Variants in DDX31 observed in about 807,000 individuals in gnomAD.
DDX31 encodes ATP-dependent DNA helicase DDX31.
Under a neutral mutation model 91.3 loss-of-function variants are expected in DDX31, and 70 were observed. That is an observed-to-expected ratio of 0.77 (90% CI 0.63 to 0.94). DDX31 has a LOEUF of 0.94. DDX31 is among the 40% of genes least tolerant of loss of function. DDX31 has a pLI of 0.00. For synonymous variants in DDX31, 362 were observed against 350.6 expected, an observed-to-expected ratio of 1.03 and a Z score of -0.36; for missense variants, 902 against 925.0, an observed-to-expected ratio of 0.98 and a Z score of 0.32.
At chr9:132,641,831 C>A (rs568806761) in intron 14 of DDX31, among the ~76,000 whole-genome samples, 173 bp downstream of exon 14, 1 of 152,284 alleles carries the variant, frequency 6.6e-6, no homozygotes, top group South Asian at 2.1e-4. Context: ...TGGCTATCTG[C>A]AGCCCTGTCA....
chr9:132,655,713 C>T (rs1198681590), intron 6 of DDX31, among the ~76,000 whole-genome samples: 4 of 151,836 alleles, frequency 2.6e-5, no homozygotes, highest in African/African-American at 4.8e-5. Context: ...CGAAAAAGGC[C>T]CCTAAGCCAA....
chr9:132,657,969 C>T, intron 6 of DDX31: 1 of 260,504 alleles, frequency 3.8e-6, no homozygotes. Flanking sequence ...TCATGAGAAA[C>T]CACTGTTTTA....
At chr9:132,610,517 G>A (rs1422864149) in intron 19 of DDX31, among the ~76,000 whole-genome samples, 3 of 152,174 alleles carry the variant, frequency 2.0e-5, no homozygotes, top group Non-Finnish European at 4.4e-5. Context: ...AGACTTGGAG[G>A]TGCCAAGTCC....
intron 6 of DDX31, among the ~76,000 whole-genome samples, chr9:132,656,934 G>C (rs1345840985): frequency 6.6e-6 from 1 of 152,162 alleles, no homozygotes; most frequent in Admixed American, 6.5e-5. Flanking sequence ...TCACCGTAAA[G>C]CACTTAATAG....
At chr9:132,646,758 T>C (rs1833863779) in intron 12 of DDX31, 65 bp downstream of exon 12, 12 of 1,526,412 alleles carry the variant, frequency 7.9e-6, no homozygotes, top group East Asian at 2.3e-5. Context: ...TTGCTCCCAA[T>C]GGCTTAACAC....
chr9:132,647,240 C>T (rs1833898347), intron 11 of DDX31, among the ~76,000 whole-genome samples, 182 bp from the exon 12 acceptor site: 1 of 152,088 alleles, frequency 6.6e-6, no homozygotes, highest in Admixed American at 6.5e-5. Flanking sequence ...GGGAGATCTA[C>T]CAACGTATCT....
At chr9:132,654,536 C>G (rs567084714) in intron 6 of DDX31, among the ~76,000 whole-genome samples, 1 of 152,112 alleles carries the variant, frequency 6.6e-6, no homozygotes, top group Non-Finnish European at 1.5e-5. Flanking sequence ...TCTCTTGAAC[C>G]CAGGAGGTGG....
intron 6 of DDX31, 88 bp downstream of exon 6, chr9:132,658,583 C>A (rs751148088): frequency 2.9e-5 from 36 of 1,229,674 alleles, no homozygotes; most frequent in Non-Finnish European, 3.9e-5. Flanking sequence ...AAAACAGATT[C>A]TTTTAGTCCT....
rs148813418 is a variant in DDX31 at position 132,646,934 on chromosome 9, G to T, written c.1092C>A (p.Gly364=). The T allele has an allele frequency of 2.5e-6, 4 of 1,614,134 alleles. No homozygotes were observed. Among genetic ancestry groups the T allele is most frequent in the South Asian group, 2.2e-5 (2 of 91,084 alleles). ...GTATTGCAAAGCTGTCCAGCTTGTC[G>T]CCAGCTGGTGGAGGACAGACCTCCT... The part of the protein sequence containing the change: ...AVQEVCPPPA[G]DKLDSFAIPE... The change falls in exon 12 of 20, where the codon GGC becomes GGA. Residue 364 remains glycine (G), a synonymous_variant. Transcript: ENST00000372159.
chr9:132,594,713 T>G lies in DDX31; in HGVS notation c.*153A>C. On this transcript the variant is annotated 3_prime_UTR_variant, in exon 20 of 20. Transcript: ENST00000372159. ...TTCTATCAGGCTCCAGGGCCTCCCA[T>G]GGAGGAGAAGGGCTGTGGCCCCTCT... The G allele has an allele frequency of 1.6e-6, 2 of 1,269,622 alleles. No homozygotes were observed. The highest frequency in any genetic ancestry group is 2.2e-6 in the Non-Finnish European group (2 of 920,222). 78.6% of individuals were successfully genotyped at this position (1,269,622 alleles called of 1,614,324 possible).
intron 19 of DDX31, among the ~76,000 whole-genome samples, chr9:132,602,977 G>C (rs1204998361): frequency 6.6e-6 from 1 of 152,156 alleles, no homozygotes; most frequent in Non-Finnish European, 1.5e-5. Context: ...CACGGCCCTT[G>C]GCTGAGAGTT....
At position 132,595,013 on chromosome 9, in the gene DDX31, T is replaced by C. The variant is rs756590257; in HGVS notation, c.2094A>G (p.Lys698=). The part of the protein sequence containing the change: ...SGMEADIAKV[K]KQNAPGEPGG... The stretch of plus-strand genomic sequence containing the variant: ...CAGGCTCTCCAGGTGCGTTTTGCTT[T>C]TTGACCTTGGCGATGTCGGCCTCCA... The change falls in exon 20 of 20, where the codon AAA becomes AAG. Residue 698 remains lysine (K), a synonymous_variant. Transcript: ENST00000372159. This position sits in a 1 kb window ranked among gnomAD's most constrained non-coding sequence, Gnocchi z 4.6. The C allele has an allele frequency of 1.2e-6, 2 of 1,614,134 alleles. No individual in the cohort carries two copies. Among genetic ancestry groups the C allele is most frequent in the African/African-American group, 2.7e-5 (2 of 74,948 alleles).
At chr9:132,627,708 C>G (rs757603357) in intron 16 of DDX31, among the ~76,000 whole-genome samples, 3 of 152,180 alleles carry the variant, frequency 2.0e-5, no homozygotes, top group African/African-American at 4.8e-5. Flanking sequence ...GGCAATGGCC[C>G]AGGAACCTGT....
rs1351227029 is a variant in DDX31 at position 132,630,399 on chromosome 9, T to G, written c.1496A>C (p.Asn499Thr). The G allele has an allele frequency of 6.3e-7, 1 of 1,587,322 alleles. No homozygotes were observed. Among genetic ancestry groups the G allele is most frequent in the East Asian group, 2.3e-5 (1 of 44,160 alleles). Residue 499 changes from asparagine to threonine, a missense_variant, in exon 16 of 20, where the codon AAC (asparagine) becomes ACC (threonine). Coordinates refer to ENST00000372159, the MANE Select transcript of DDX31 (RefSeq NM_022779.9). Reference sequence around the variant, plus strand: ...GTATTCTGCAGGTGAAGATGGAGCGTTGTACTAAAAAGGGTAACAAAAATG... The same window carrying G: ...GTATTCTGCAGGTGAAGATGGAGCGGTGTACTAAAAAGGGTAACAAAAATG... ...LPQVTWIVQY[N>T]APSSPAEYIH...
intron 19 of DDX31, among the ~76,000 whole-genome samples, chr9:132,607,052 G>T (rs1458704664): frequency 6.6e-6 from 1 of 152,210 alleles, no homozygotes; most frequent in Admixed American, 6.5e-5. Flanking sequence ...TGAAGAAGGG[G>T]CGACTGGTGT....
intron 19 of DDX31, among the ~76,000 whole-genome samples, chr9:132,598,899 T>C (rs1335187914): frequency 1.3e-5 from 2 of 152,216 alleles, no homozygotes; most frequent in African/African-American, 2.4e-5. Context: ...AATAGAAAAA[T>C]GAACTGTTTC....
At chr9:132,621,407 T>C (rs190445185) in intron 17 of DDX31, among the ~76,000 whole-genome samples, 17 of 152,318 alleles carry the variant, frequency 1.1e-4, no homozygotes, top group African/African-American at 4.1e-4. Context: ...TCTTTGTAGG[T>C]AGGTGAACAT....
intron 19 of DDX31, among the ~76,000 whole-genome samples, chr9:132,605,968 C>T (rs1004110544): frequency 2.0e-5 from 3 of 151,792 alleles, no homozygotes; most frequent in South Asian, 2.1e-4. Flanking sequence ...TTCAGAGGTT[C>T]GGATGGAGCG....
intron 19 of DDX31, among the ~76,000 whole-genome samples, chr9:132,606,080 A>G (rs2119240914): frequency 6.6e-6 from 1 of 152,294 alleles, no homozygotes; most frequent in African/African-American, 2.4e-5. Flanking sequence ...GATGCGGCTG[A>G]GATGGAGTAG....
Sources: allele counts gnomAD v4.1 joint callset (sites outside exome capture counted in the v4.1 genomes callset), GRCh38; gene constraint gnomAD v4.1.1; non-coding constraint Gnocchi (gnomAD v3.1); transcripts MANE v1.5; gene names NCBI Gene and HGNC (gene_info 2026-07-23, HGNC 2026-07-21).